Variants in EIF2S3B observed in about 807,000 individuals in gnomAD.
EIF2S3B encodes the protein eukaryotic translation initiation factor 2 subunit 3B.
EIF2S3B carries 16 observed loss-of-function variants against 26.4 expected under a neutral mutation model. The observed-to-expected ratio is 0.61, with a 90% confidence interval of 0.41 to 0.92. The LOEUF is 0.92. Ranked by LOEUF, EIF2S3B falls within the 40% of genes least tolerant of loss-of-function variation. EIF2S3B has a pLI of 0.00. For synonymous variants in EIF2S3B, 183 were observed against 204.4 expected (o/e 0.90, Z 0.89); for missense variants, 510 against 575.5 (o/e 0.89, Z 1.16).
chr12:10,506,667 G>C lies in EIF2S3B; in HGVS notation c.765G>C (p.Arg255=). 1 of 1,613,984 alleles carries C rather than the reference G, an allele frequency of 6.2e-7. No homozygotes were observed. Among genetic ancestry groups the C allele is most frequent in the Non-Finnish European group, 8.5e-7 (1 of 1,179,878 alleles). Residue 255 remains arginine, a synonymous_variant, in exon 1 of 1, where the codon CGG becomes CGC. Transcript: ENST00000538173. The stretch of plus-strand genomic sequence containing the variant: ...CAAGAGACTTTACTTCAGAGCCCCG[G>C]CTTATTGTTATTAGATCTTTTGATG... ...VPPRDFTSEP[R]LIVIRSFDVN... is the part of the protein sequence containing the mutation.
intron 1 of EIF2S3B, among the ~76,000 whole-genome samples, chr12:10,516,650 G>C (rs1459851896): frequency 6.6e-6 from 1 of 151,734 alleles, no homozygotes; most frequent in South Asian, 2.1e-4. Context: ...ACACTATGTT[G>C]AATAGGAGTG....
At chr12:10,522,538 T>C (rs964444005) in intron 1 of EIF2S3B, 110 of 610,590 alleles carry the variant, frequency 1.8e-4, no homozygotes, top group African/African-American at 1.7e-3. Context: ...TATACCTAAA[T>C]AGATTTGAGT....
In EIF2S3B at chr12:10,506,748, T is replaced by C; in HGVS notation, c.846T>C (p.Ser282=). 1 of 1,614,052 alleles carries C rather than the reference T, an allele frequency of 6.2e-7. No individual in the cohort carries two copies. Among genetic ancestry groups the C allele is most frequent in the South Asian group, 1.1e-5 (1 of 91,082 alleles). The change falls in exon 1 of 1, where the codon AGT becomes AGC. Residue 282 remains serine, a synonymous_variant. Transcript: ENST00000538173. The part of the protein sequence containing the change: ...DDLKGGVAGG[S]ILKGVLKVGQ... ...TTAAGGGAGGTGTAGCTGGTGGTAG[T>C]ATCCTAAAAGGAGTATTAAAGGTGG...
downstream of EIF2S3B, among the ~76,000 whole-genome samples, chr12:10,510,178 G>A (rs1591633973): frequency 6.6e-6 from 1 of 152,096 alleles, no homozygotes; most frequent in African/African-American, 2.4e-5. Context: ...GGACATCAGG[G>A]CTATTATTCT....
In EIF2S3B at chr12:10,506,278, TTA is replaced by T; in HGVS notation, c.377_378del (p.Leu126CysfsTer8). 2 of 1,613,862 alleles carry T rather than the reference TTA, an allele frequency of 1.2e-6. No individual in the cohort carries two copies. The highest frequency in any genetic ancestry group is 1.7e-6 in the Non-Finnish European group (2 of 1,179,766). On this transcript the variant is annotated frameshift_variant, in exon 1 of 1. Coordinates refer to ENST00000538173, the MANE Select transcript of EIF2S3B (RefSeq NM_001357734.3). LOFTEE classifies it high-confidence loss of function. ...DIPGTKGNFR[L>X]VRHVSFVDCP... ...TCCAGGAACCAAAGGGAACTTCAGA[TTA>T]GTCAGACATGTTTCCTTTGTTGACT...
chr12:10,506,497 C>T lies in EIF2S3B; in HGVS notation c.595C>T (p.Gln199Ter). The T allele has an allele frequency of 6.2e-7, 1 of 1,604,156 alleles. No homozygotes were observed. The highest frequency in any genetic ancestry group is 8.5e-7 in the Non-Finnish European group (1 of 1,170,902). ...TAAAATTGATTTGGTAAAAGAAAGG[C>T]AGGCTAAAGAACAATACGAGCAGAT... ...QNKIDLVKER[Q>*]AKEQYEQILA... Residue 199 changes from glutamine (Q) to a stop codon, truncating the protein, a stop_gained, in exon 1 of 1, where the codon CAG becomes TAG. Transcript: ENST00000538173. LOFTEE classifies it high-confidence loss of function.
chr12:10,514,674 G>A (rs999919137), intron 1 of EIF2S3B, among the ~76,000 whole-genome samples: 3 of 152,132 alleles, frequency 2.0e-5, no homozygotes, highest in Non-Finnish European at 2.9e-5. Flanking sequence ...ATCAAGGTGT[G>A]AAGGCTGATA....
chr12:10,522,493 G>C, intron 1 of EIF2S3B: 1 of 536,012 alleles, frequency 1.9e-6, no homozygotes, highest in Non-Finnish European at 3.3e-6. Flanking sequence ...ATGGAGCTGG[G>C]AGAATTAATT....
downstream of EIF2S3B, among the ~76,000 whole-genome samples, chr12:10,508,525 CAAAAAAAAAAAAA>C: frequency 3.2e-5 from 2 of 62,972 alleles, no homozygotes; most frequent in African/African-American, 1.1e-4. Flanking sequence ...TGTTAGAAAG[CAAAAAAAAAAAAA>C]AAAAAAAAAA....
At chr12:10,519,445 A>G (rs1399313290) in intron 1 of EIF2S3B, among the ~76,000 whole-genome samples, 3 of 151,980 alleles carry the variant, frequency 2.0e-5, no homozygotes, top group Admixed American at 6.6e-5. Flanking sequence ...GGACATAGGC[A>G]TGGGCAAGGA....
downstream of EIF2S3B, among the ~76,000 whole-genome samples, chr12:10,509,618 A>G (rs778295455): frequency 2.6e-5 from 4 of 151,942 alleles, no homozygotes; most frequent in East Asian, 1.9e-4. Flanking sequence ...TGCACAACCA[A>G]TTTTCATGAA....
At position 10,506,692 on chromosome 12, in the gene EIF2S3B, G is replaced by A. The variant is rs1221528962; in HGVS notation, c.790G>A (p.Val264Ile). The change falls in exon 1 of 1, where the codon GTC becomes ATC. Residue 264 changes from valine to isoleucine, a missense_variant. Val to Ile is a conservative substitution (Grantham distance 29, BLOSUM62 3). Transcript: ENST00000538173. ...GCTTATTGTTATTAGATCTTTTGAT[G>A]TCAACAAACCTGGCTGTGAAGTTGA... ...PRLIVIRSFD[V>I]NKPGCEVDDL... The A allele has an allele frequency of 1.2e-5, 20 of 1,614,022 alleles. No homozygotes were observed. Among genetic ancestry groups the A allele is most frequent in the Non-Finnish European group, 1.7e-5 (20 of 1,179,916 alleles).
chr12:10,506,437 A>C lies in EIF2S3B; in HGVS notation c.535A>C (p.Ile179Leu), dbSNP rs1864631332. Residue 179 changes from isoleucine (I) to leucine (L), a missense_variant, in exon 1 of 1, where the codon ATC becomes CTC. Transcript: ENST00000538173. ...ATCTGAACACCTGGCTGCTATAGAG[A>C]TCATGAAACTGAAGCATATTTTGAT... Reference protein sequence around the residue: ...QTSEHLAAIEIMKLKHILILQ... With the variant: ...QTSEHLAAIELMKLKHILILQ... The C allele has an allele frequency of 6.2e-7, 1 of 1,613,480 alleles. No homozygotes were observed. The highest frequency in any genetic ancestry group is 1.3e-5 in the African/African-American group (1 of 75,016).
In EIF2S3B at chr12:10,508,524, G is replaced by GTAAAAAA. The variant is rs1864670853; in HGVS notation, c.*1203_*1204insTAAAAAA. Among the ~76,000 whole-genome samples the GTAAAAAA allele has an allele frequency of 2.9e-4, 2 of 6,986 alleles. No homozygotes were observed. The highest frequency in any genetic ancestry group is 1.4e-3 in the Admixed American group (1 of 730). The allele number at this position is 6,986 out of a possible 152,430, so 4.6% of individuals were successfully genotyped here. Reference sequence around the variant, plus strand: ...GTCAATAAGTAAAAGATGTTAGAAAGCAAAAAAAAAAAAAAAAAAAAAAAA... The same window carrying GTAAAAAA: ...GTCAATAAGTAAAAGATGTTAGAAAGTAAAAAACAAAAAAAAAAAAAAAAAAAAAAAA... On this transcript the variant is annotated 3_prime_UTR_variant, in exon 1 of 1. Coordinates refer to ENST00000538173, the MANE Select transcript of EIF2S3B (RefSeq NM_001357734.3).
Position 10,506,694 on chromosome 12 carries a change from C to T in EIF2S3B, c.792C>T (p.Val264=), listed in dbSNP as rs1864635748. The T allele has an allele frequency of 6.2e-7, 1 of 1,613,824 alleles. No homozygotes were observed. The highest frequency in any genetic ancestry group is 1.1e-5 in the South Asian group (1 of 91,078). Residue 264 remains valine, a synonymous_variant, in exon 1 of 1, where the codon GTC becomes GTT. Transcript: ENST00000538173. ...TTATTGTTATTAGATCTTTTGATGT[C>T]AACAAACCTGGCTGTGAAGTTGATG... ...PRLIVIRSFD[V]NKPGCEVDDL...
chr12:10,522,800 A>G, exon 2 of EIF2S3B: 1 of 554,242 alleles, frequency 1.8e-6, no homozygotes, highest in South Asian at 2.7e-5. Flanking sequence ...TGACAACCAT[A>G]TCACAATTAT....
At chr12:10,514,248 A>T (rs1189134583) in intron 1 of EIF2S3B, among the ~76,000 whole-genome samples, 1 of 150,940 alleles carries the variant, frequency 6.6e-6, no homozygotes, top group African/African-American at 2.4e-5. Flanking sequence ...TCAAAATATC[A>T]TTTTTTTTTG....
chr12:10,517,527 A>G (rs559517042), intron 1 of EIF2S3B, among the ~76,000 whole-genome samples: 72 of 151,954 alleles, frequency 4.7e-4, no homozygotes, highest in Non-Finnish European at 9.0e-4. Context: ...CTTGCTAGCA[A>G]TCTATCAATT....
downstream of EIF2S3B, among the ~76,000 whole-genome samples, chr12:10,512,562 A>C: frequency 6.6e-6 from 1 of 152,102 alleles, no homozygotes; most frequent in Non-Finnish European, 1.5e-5. Flanking sequence ...CTTGACATAG[A>C]AATAGTGACC....
Sources: allele counts gnomAD v4.1 joint callset (sites outside exome capture counted in the v4.1 genomes callset), GRCh38; gene constraint gnomAD v4.1.1; transcripts MANE v1.5; gene names NCBI Gene and HGNC (gene_info 2026-07-23, HGNC 2026-07-21).